The following NBAS variants were observed in gnomAD, a reference collection of about 807,000 sequenced individuals.
NBAS encodes the protein NAG/BC035112 fusion.
A neutral mutation model predicts 302.5 loss-of-function variants in NBAS; 219 were observed. The ratio of observed to expected loss-of-function variants is 0.72; its 90% CI spans 0.65 to 0.81. The LOEUF is 0.81. NBAS is among the 30% of genes least tolerant of loss of function. The pLI, the probability that NBAS is intolerant of heterozygous loss-of-function variation, is 0.00. For synonymous variants in NBAS, 1,118 were observed against 1,021.6 expected (o/e 1.09, Z -1.80); for missense variants, 2,932 against 2,841.6 (o/e 1.03, Z -0.72).
At chr2:15,033,445 C>T in the NBAS span, among the ~76,000 whole-genome samples, 7 of 152,070 alleles carry the variant, frequency 4.6e-5, no homozygotes, top group Admixed American at 2.6e-4. Flanking sequence ...GCCAGAATAA[C>T]TTAAGACTTT....
chr2:15,089,632 G>A, the NBAS span, among the ~76,000 whole-genome samples: 1 of 151,892 alleles, frequency 6.6e-6, no homozygotes, highest in African/African-American at 2.4e-5. Context: ...CTCCCACCCA[G>A]CTCCAGAAAT....
At chr2:14,868,483 T>G in the NBAS span, among the ~76,000 whole-genome samples, 3 of 152,238 alleles carry the variant, frequency 2.0e-5, no homozygotes, top group African/African-American at 7.2e-5. Flanking sequence ...AAGAATATAC[T>G]CATGTAACTG....
At chr2:15,492,487 G>A (rs1209214712) in intron 11 of NBAS, among the ~76,000 whole-genome samples, 1 of 152,010 alleles carries the variant, frequency 6.6e-6, no homozygotes, top group Non-Finnish European at 1.5e-5. Context: ...GACAGGATCT[G>A]GCTCTGTCAC....
the NBAS span, among the ~76,000 whole-genome samples, chr2:14,999,387 T>A: frequency 6.6e-6 from 1 of 152,126 alleles, no homozygotes; most frequent in African/African-American, 2.4e-5. Context: ...ATGGTTTGGC[T>A]CTGTGTCCCC....
chr2:15,368,838 G>A (rs1234597596), intron 31 of NBAS, among the ~76,000 whole-genome samples: 4 of 152,190 alleles, frequency 2.6e-5, no homozygotes, highest in Admixed American at 6.5e-5. Context: ...CCCTTCTACT[G>A]TGACAAGACC....
At chr2:15,503,191 G>A (rs559941673) in intron 11 of NBAS, among the ~76,000 whole-genome samples, 18 of 152,134 alleles carry the variant, frequency 1.2e-4, no homozygotes, top group East Asian at 5.8e-4. Context: ...GCCTTTCCGT[G>A]CAATGCCTGA....
chr2:15,511,272 T>C lies in NBAS; in HGVS notation c.825A>G (p.Arg275=), dbSNP rs529297736. The stretch of plus-strand genomic sequence containing the variant: ...TATAATACGGTGATCCTGAAAGAAC[T>C]CTCCAGGCAGAAAGGCCACAGCTAG... ...KASSCGLSAW[R]VLSGSPYYKQ... The change falls in exon 10 of 52, where the codon AGA becomes AGG. Residue 275 remains arginine (R), a synonymous_variant. Coordinates refer to ENST00000281513, the MANE Select transcript of NBAS (RefSeq NM_015909.4). 1 of 1,613,922 alleles carries C rather than the reference T, an allele frequency of 6.2e-7. No homozygotes were observed. Among genetic ancestry groups the C allele is most frequent in the South Asian group, 1.1e-5 (1 of 91,076 alleles).
chr2:14,837,633 C>T, the NBAS span, among the ~76,000 whole-genome samples: 3 of 151,556 alleles, frequency 2.0e-5, no homozygotes, highest in African/African-American at 7.3e-5. Flanking sequence ...ATTCTTGTGA[C>T]AGCTTGGAAA....
intron 41 of NBAS, among the ~76,000 whole-genome samples, chr2:15,288,459 TAA>T (rs1312142501): frequency 6.6e-6 from 1 of 151,946 alleles, no homozygotes; most frequent in Non-Finnish European, 1.5e-5. Flanking sequence ...TTCTCAGACA[TAA>T]GAGAGAAAGC....
At chr2:15,405,405 A>G (rs1676361580) in intron 25 of NBAS, among the ~76,000 whole-genome samples, 1 of 152,212 alleles carries the variant, frequency 6.6e-6, no homozygotes, top group Non-Finnish European at 1.5e-5. Flanking sequence ...TAGAATCCCT[A>G]TAAGATGCCT....
In NBAS at chr2:15,328,477, G is replaced by GA. The variant is rs780403867; in HGVS notation, c.4348-166dup. 6.6e-5 allele frequency among the ~76,000 whole-genome samples: 10 copies of GA among 152,178 alleles called. No homozygotes were observed. In the East Asian group the frequency reaches 1.3e-3, roughly 20 times the overall value. ...TTCCCACGACCTAAAAAGAGAGCCA[G>GA]AGTCACACACATATCCGGCAGAGAA... On this transcript the variant is annotated intron_variant, in intron 36 of 51. Coordinates refer to ENST00000281513, the MANE Select transcript of NBAS (RefSeq NM_015909.4).
At chr2:14,983,404 T>C in the NBAS span, among the ~76,000 whole-genome samples, 2 of 152,288 alleles carry the variant, frequency 1.3e-5, no homozygotes, top group East Asian at 3.9e-4. Context: ...ACTGAGTGTA[T>C]AGGTCCATAG....
the NBAS span, among the ~76,000 whole-genome samples, chr2:14,830,707 G>T: frequency 3.9e-5 from 6 of 152,236 alleles, no homozygotes; most frequent in South Asian, 1.2e-3. Context: ...GGGCAGCTTT[G>T]CATGAATGAA....
At chr2:15,391,840 G>A (rs1387118981) in intron 28 of NBAS, among the ~76,000 whole-genome samples, 1 of 150,520 alleles carries the variant, frequency 6.6e-6, no homozygotes, top group East Asian at 1.9e-4. Flanking sequence ...AAAAATGCAT[G>A]CTAGGAGACA....
chr2:14,819,966 T>C, the NBAS span, among the ~76,000 whole-genome samples: 1 of 152,126 alleles, frequency 6.6e-6, no homozygotes, highest in Admixed American at 6.5e-5. Flanking sequence ...CAATGAGATA[T>C]CCTTTCACCC....
intron 27 of NBAS, 88 bp from the exon 28 acceptor site, chr2:15,394,437 T>C: frequency 1.4e-6 from 2 of 1,427,448 alleles, no homozygotes; most frequent in Non-Finnish European, 1.9e-6. Flanking sequence ...CCTTCAGTGT[T>C]TAGTATTAAA....
At chr2:14,998,505 G>A in the NBAS span, among the ~76,000 whole-genome samples, 1 of 152,160 alleles carries the variant, frequency 6.6e-6, no homozygotes, top group Non-Finnish European at 1.5e-5. Flanking sequence ...CCTACGTGAA[G>A]CCCAGAAAAG....
chr2:15,358,375 T>C (rs915652982), intron 32 of NBAS, among the ~76,000 whole-genome samples: 1 of 152,100 alleles, frequency 6.6e-6, no homozygotes, highest in African/African-American at 2.4e-5. Context: ...CTGGGAAAGC[T>C]GCTTGGCCGT....
chr2:14,882,607 A>G, the NBAS span, among the ~76,000 whole-genome samples: 1 of 152,180 alleles, frequency 6.6e-6, no homozygotes, highest in Non-Finnish European at 1.5e-5. Context: ...GAAATTATCA[A>G]GAAAACAAAA....
Sources: gnomAD v4.1 joint callset for allele counts (sites outside exome capture counted in the v4.1 genomes callset) on GRCh38, gnomAD v4.1.1 for gene constraint, MANE v1.5 for transcripts, NCBI Gene and HGNC (gene_info 2026-07-23, HGNC 2026-07-21) for gene names.